FAT3: variants seen among roughly 807,000 people sequenced by gnomAD.
FAT3 encodes the protein FAT atypical cadherin 3, also known as protocadherin Fat 3.
Under a neutral mutation model 310.2 loss-of-function variants are expected in FAT3, and 95 were observed. The observed-to-expected ratio is 0.31, with a 90% CI of 0.26 to 0.36. The LOEUF (loss-of-function observed/expected upper bound fraction) is 0.36, where lower values mean the gene tolerates loss of function less well. FAT3 is among the 10% of genes least tolerant of loss of function. The pLI, the probability that FAT3 is intolerant of heterozygous loss-of-function variation, is 1.00. For missense variants in FAT3, 5,408 were observed against 5,715.6 expected, an observed-to-expected ratio of 0.95 and a Z score of 1.74; for synonymous variants, 2,314 against 2,192.9, an observed-to-expected ratio of 1.06 and a Z score of -1.54.
chr11:92,310,168 G>T (rs1947262014), intron 1 of FAT3, among the ~76,000 whole-genome samples: 2 of 152,126 alleles, frequency 1.3e-5, no homozygotes, highest in Non-Finnish European at 1.5e-5. Flanking sequence ...TCTGTAAACT[G>T]TGGGAATAGG....
At chr11:92,713,733 A>C (rs2135954386) in intron 4 of FAT3, among the ~76,000 whole-genome samples, 1 of 152,324 alleles carries the variant, frequency 6.6e-6, no homozygotes, top group Admixed American at 6.5e-5. Flanking sequence ...AGTTAAAAAG[A>C]CCAATATTAT....
intron 22 of FAT3, among the ~76,000 whole-genome samples, chr11:92,876,302 A>T (rs1185512818): frequency 6.6e-6 from 1 of 152,250 alleles, no homozygotes; most frequent in Admixed American, 6.5e-5. Context: ...ATCATAGCCA[A>T]CAACTAGCCA....
intron 22 of FAT3, among the ~76,000 whole-genome samples, chr11:92,867,804 G>A (rs1156275964): frequency 6.6e-6 from 1 of 152,128 alleles, no homozygotes; most frequent in Admixed American, 6.5e-5. Flanking sequence ...ATAAGGAGAA[G>A]GGAATTTACT....
chr11:92,277,873 A>T (rs563516648), intron 1 of FAT3, among the ~76,000 whole-genome samples: 111 of 143,062 alleles, frequency 7.8e-4, no homozygotes, highest in African/African-American at 3.1e-3. Flanking sequence ...TTTTTTTTAA[A>T]AAAAAAAGGT....
intron 3 of FAT3, among the ~76,000 whole-genome samples, chr11:92,600,760 G>A (rs1358164782): frequency 6.6e-6 from 1 of 151,908 alleles, no homozygotes; most frequent in Non-Finnish European, 1.5e-5. Flanking sequence ...GAAAACTCCT[G>A]GAAAAAAAAT....
rs1275143175 is a variant in FAT3 at position 92,799,628 on chromosome 11, C to G, written c.6615C>G (p.Ile2205Met). The change falls in exon 10 of 28, where the codon ATC becomes ATG. Residue 2205 changes from isoleucine (I) to methionine (M), a missense_variant. Physicochemically the swap from Ile to Met is conservative, Grantham distance 10. Around this residue, in one of 5 missense-constraint regions of FAT3, gnomAD observed 4,588 missense variants for 4,809.8 expected, o/e 0.95. Transcript: ENST00000525166. ...VNEDIRMNTPILSINATSPEG... is the reference protein window; with the variant it reads ...VNEDIRMNTPMLSINATSPEG... Reference sequence around the variant, plus strand: ...AAGACATCAGAATGAACACACCCATCCTAAGCATCAATGCCACCAGTCCAG... The same window carrying G: ...AAGACATCAGAATGAACACACCCATGCTAAGCATCAATGCCACCAGTCCAG... The G allele has an allele frequency of 6.2e-7, 1 of 1,613,680 alleles. No individual in the cohort carries two copies. Among genetic ancestry groups the G allele is most frequent in the African/African-American group, 1.3e-5 (1 of 74,914 alleles).
At chr11:92,516,539 A>G (rs1953491129) in intron 2 of FAT3, among the ~76,000 whole-genome samples, 2 of 152,176 alleles carry the variant, frequency 1.3e-5, no homozygotes, top group Non-Finnish European at 2.9e-5. Flanking sequence ...ATCATACTGA[A>G]TGGGCAAAAG....
At chr11:92,441,380 A>G (rs1951060369) in intron 2 of FAT3, among the ~76,000 whole-genome samples, 1 of 152,228 alleles carries the variant, frequency 6.6e-6, no homozygotes, top group Non-Finnish European at 1.5e-5. Context: ...TTCTGAAACA[A>G]TTTAATCTTG....
chr11:92,646,501 A>C (rs1942173595), intron 3 of FAT3, among the ~76,000 whole-genome samples: 1 of 152,204 alleles, frequency 6.6e-6, no homozygotes, highest in Non-Finnish European at 1.5e-5. Context: ...AGTACAAAAG[A>C]AATTGCAGCC....
intron 2 of FAT3, among the ~76,000 whole-genome samples, chr11:92,515,228 T>A (rs1484622270): frequency 6.6e-6 from 1 of 152,150 alleles, no homozygotes; most frequent in Non-Finnish European, 1.5e-5. Flanking sequence ...GGATGAATAC[T>A]CCAGGACTGT....
At chr11:92,337,413 G>A (rs1261987305) in intron 1 of FAT3, among the ~76,000 whole-genome samples, 2 of 152,084 alleles carry the variant, frequency 1.3e-5, no homozygotes, top group African/African-American at 4.8e-5. Context: ...TTTTTGATCT[G>A]GAAAACAGTT....
chr11:92,671,556 C>A (rs1943128644), intron 3 of FAT3, among the ~76,000 whole-genome samples: 1 of 152,010 alleles, frequency 6.6e-6, no homozygotes, highest in South Asian at 2.1e-4. Flanking sequence ...ATCAAATGGG[C>A]CTTCCCTGTA....
chr11:92,310,919 T>C (rs1331653667), intron 1 of FAT3, among the ~76,000 whole-genome samples: 2 of 151,886 alleles, frequency 1.3e-5, no homozygotes, highest in East Asian at 1.9e-4. Context: ...TACAACCAGA[T>C]TTTTTTCCAT....
At chr11:92,495,844 AGT>A (rs1049695925) in intron 2 of FAT3, among the ~76,000 whole-genome samples, 1 of 152,076 alleles carries the variant, frequency 6.6e-6, no homozygotes, top group African/African-American at 2.4e-5. Flanking sequence ...AGAGCTGTGT[AGT>A]GTGAGCTACA....
intron 2 of FAT3, among the ~76,000 whole-genome samples, chr11:92,402,134 T>C (rs1950028782): frequency 6.6e-6 from 1 of 152,144 alleles, no homozygotes; most frequent in African/African-American, 2.4e-5. Flanking sequence ...TAAGCTGAGA[T>C]ATTAAAACTA....
At chr11:92,671,347 A>T (rs1214460971) in intron 3 of FAT3, among the ~76,000 whole-genome samples, 6 of 152,152 alleles carry the variant, frequency 3.9e-5, no homozygotes, top group Admixed American at 2.6e-4. Context: ...CTTTGAAGCC[A>T]CACTAGCCTT....
At chr11:92,413,504 C>T (rs1441525690) in intron 2 of FAT3, among the ~76,000 whole-genome samples, 1 of 152,120 alleles carries the variant, frequency 6.6e-6, no homozygotes, top group Non-Finnish European at 1.5e-5. Context: ...TCCAACTACA[C>T]CTCTGTGTTC....
chr11:92,505,352 G>A (rs749789605), intron 2 of FAT3, among the ~76,000 whole-genome samples: 10 of 152,082 alleles, frequency 6.6e-5, no homozygotes, highest in Non-Finnish European at 1.2e-4. Context: ...TTTCCTGGAC[G>A]ACTAGATATT....
At chr11:92,462,432 C>G (rs1398438201) in intron 2 of FAT3, among the ~76,000 whole-genome samples, 3 of 152,078 alleles carry the variant, frequency 2.0e-5, no homozygotes, top group East Asian at 3.9e-4. Flanking sequence ...ATTTGGTTTT[C>G]TGTTCCTGCG....
Sources: gnomAD v4.1 joint callset for allele counts (sites outside exome capture counted in the v4.1 genomes callset) on GRCh38, gnomAD v4.1.1 for gene constraint, gnomAD v4.1.1 regional missense constraint, MANE v1.5 for transcripts, NCBI Gene and HGNC (gene_info 2026-07-23, HGNC 2026-07-21) for gene names.